MINK1: variants seen among roughly 807,000 people sequenced by gnomAD.
MINK1 encodes the protein misshapen-like kinase 1.
A neutral mutation model predicts 178.4 loss-of-function variants in MINK1; 46 were observed. The ratio of observed to expected loss-of-function variants is 0.26; its 90% CI spans 0.20 to 0.33. The LOEUF (loss-of-function observed/expected upper bound fraction) is 0.33. MINK1 is among the 10% of genes least tolerant of loss of function. MINK1 has a pLI of 1.00. For synonymous variants in MINK1, 797 were observed against 709.7 expected, an observed-to-expected ratio of 1.12 and a Z score of -1.96; for missense variants, 1,366 against 1,814.9, an observed-to-expected ratio of 0.75 and a Z score of 4.49.
intron 20 of MINK1, 56 bp downstream of exon 20, chr17:4,893,123 C>T (rs1969037216): frequency 1.3e-6 from 2 of 1,533,708 alleles, no homozygotes; most frequent in South Asian, 1.2e-5. Flanking sequence ...GGCTTAGCCT[C>T]AGGGTGCTGG....
In MINK1 at chr17:4,892,723, G is replaced by A. The variant is rs773979222; in HGVS notation, c.2266G>A (p.Gly756Arg). The A allele has an allele frequency of 7.4e-6, 12 of 1,611,918 alleles. No individual in the cohort carries two copies. Among genetic ancestry groups the A allele is most frequent in the South Asian group, 4.4e-5 (4 of 90,988 alleles). The change falls in exon 19 of 32, where the codon GGG becomes AGG. Residue 756 changes from glycine (G) to arginine (R), a missense_variant. Gly to Arg is a moderately radical substitution (Grantham distance 125). Around this residue, in one of 14 missense-constraint regions of MINK1, gnomAD observed 709 missense variants for 692.3 expected, o/e 1.02. Transcript: ENST00000355280. ...GGACAGCGTCCTTCCAGCCTCTCAC[G>A]GGCACCTCCCCCAGGCTGGCTCACT... ...RSDSVLPASH[G>R]HLPQAGSLER... is the part of the protein sequence containing the mutation.
At chr17:4,892,952 G>A (rs1238015145) in intron 19 of MINK1, 27 bp from the exon 20 acceptor site, 3 of 1,531,870 alleles carry the variant, frequency 2.0e-6, no homozygotes, top group Non-Finnish European at 1.8e-6. Context: ...TCAGGCATCA[G>A]TGACCTTCTT....
At position 4,886,660 on chromosome 17, in the gene MINK1, G is replaced by A. The variant is rs1968233225; in HGVS notation, c.949+34G>A. 2.0e-6 allele frequency: 3 copies of A among 1,535,124 alleles called. No individual in the cohort carries two copies. The highest frequency in any genetic ancestry group is 2.3e-5 in the East Asian group (1 of 43,768). On this transcript the variant is annotated intron_variant, in intron 10 of 31. Transcript: ENST00000355280. This position sits in a 1 kb window ranked among gnomAD's most constrained non-coding sequence, Gnocchi z 6.1. ...GCAGGCTGGAGGGGGCAGGTACTAG[G>A]GGACACTCCAGCCTGGCTCCTCTCT...
intron 1 of MINK1, chr17:4,875,270 A>G: frequency 2.0e-6 from 1 of 489,440 alleles, no homozygotes; most frequent in South Asian, 1.5e-5. Context: ...CACTGCAGTG[A>G]CAACACCTCT....
intron 1 of MINK1, among the ~76,000 whole-genome samples, chr17:4,864,908 A>C (rs1164609052): frequency 2.0e-5 from 3 of 152,166 alleles, no homozygotes; most frequent in Non-Finnish European, 2.9e-5. Context: ...TCTTCTTCAA[A>C]AGAACCTTTT....
rs1969153438 is a variant in MINK1 at position 4,893,988 on chromosome 17, C to G, written c.2565C>G (p.Arg855=). 1 of 1,571,544 alleles carries G rather than the reference C, an allele frequency of 6.4e-7. No individual in the cohort carries two copies. The highest frequency in any genetic ancestry group is 8.6e-7 in the Non-Finnish European group (1 of 1,159,712). ...AEGSRDTPGG[R]SDGDTDSVST... ...GGGGCCCCACCTTCCTCTCTCACAG[C>G]AGCGATGGGGATACAGACAGCGTCA... Residue 855 remains arginine (R), a splice_region_variant and synonymous_variant, in exon 22 of 32, where the codon CGC becomes CGG. Transcript: ENST00000355280.
chr17:4,834,666 G>C (rs1338120622), intron 1 of MINK1: 2 of 471,590 alleles, frequency 4.2e-6, no homozygotes, highest in Non-Finnish European at 8.5e-6. Context: ...GGGCAACTTA[G>C]TGATTTCAAG....
chr17:4,860,725 G>T (rs1465711150), intron 1 of MINK1: 1 of 519,924 alleles, frequency 1.9e-6, no homozygotes, highest in Non-Finnish European at 3.8e-6. Context: ...CAAGGCTGGT[G>T]TGTGCCTGGT....
At position 4,894,678 on chromosome 17, in the gene MINK1, G is replaced by A. The variant is rs1010466308; in HGVS notation, c.2917+45G>A. 7.0e-6 allele frequency: 10 copies of A among 1,437,022 alleles called. No homozygotes were observed. The African/African-American group carries it at 9.8e-5, about 14-fold the overall frequency. The allele number at this position is 1,437,022 out of a possible 1,614,324, so 89.0% of individuals were successfully genotyped here. ...CCTGCTGTGAGGCCAGGGTCCAGGG[G>A]CAGCCTGGAGGGGAGCACAGTGGTC... On this transcript the variant is annotated intron_variant, in intron 24 of 31. Coordinates refer to ENST00000355280, the MANE Select transcript of MINK1 (RefSeq NM_153827.5). The surrounding 1 kb of genome is among the most constrained non-coding windows in gnomAD (Gnocchi z 4.1).
Position 4,896,114 on chromosome 17 carries a change from C to T in MINK1, c.3465+11C>T. Reference sequence around the variant, plus strand: ...TTCATGGCCTTCAAGGTAATCCCAGCCTCGGTCCCTAACACCATCTGGAGT... The same window carrying T: ...TTCATGGCCTTCAAGGTAATCCCAGTCTCGGTCCCTAACACCATCTGGAGT... On this transcript the variant is annotated intron_variant, in intron 28 of 31. Coordinates refer to ENST00000355280, the MANE Select transcript of MINK1 (RefSeq NM_153827.5). This position sits in a 1 kb window ranked among gnomAD's most constrained non-coding sequence, Gnocchi z 4.6. 6.2e-7 allele frequency: 1 copy of T among 1,605,744 alleles called. No homozygotes were observed. Among genetic ancestry groups the T allele is most frequent in the South Asian group, 1.1e-5 (1 of 89,830 alleles).
In MINK1 at chr17:4,887,670, ACAGCAGCAGCAGCTGCAGCAG is replaced by A; in HGVS notation, c.1121_1141del (p.Gln374_Gln380del). 1.9e-6 allele frequency: 3 copies of A among 1,566,728 alleles called. No homozygotes were observed. The highest frequency in any genetic ancestry group is 2.6e-6 in the Non-Finnish European group (3 of 1,157,340). On this transcript the variant is annotated inframe_deletion, in exon 12 of 32. Coordinates refer to ENST00000355280, the MANE Select transcript of MINK1 (RefSeq NM_153827.5). This position sits in a 1 kb window ranked among gnomAD's most constrained non-coding sequence, Gnocchi z 7.6. ...ATAAGAGCAACTCAGAGGCTTTAAA[ACAGCAGCAGCAGCTGCAGCAG>A]CAGCAGCAGCGAGACCCCGAGGCAC...
In MINK1 at chr17:4,896,475, C is replaced by G. The variant is rs1969493163; in HGVS notation, c.3662C>G (p.Thr1221Ser). ...CATGCCATCATCTTCCTCCCCAACA[C>G]CGACGGCATGGAGATGCTGCTGTGC... ...TPHAIIFLPN[T>S]DGMEMLLCYE... Residue 1221 changes from threonine to serine, a missense_variant, in exon 30 of 32, where the codon ACC becomes AGC. By Grantham distance (58) the Thr-to-Ser change is moderately conservative. Transcript: ENST00000355280. This position sits in a 1 kb window ranked among gnomAD's most constrained non-coding sequence, Gnocchi z 4.6. The G allele has an allele frequency of 2.5e-6, 4 of 1,613,860 alleles. No individual in the cohort carries two copies. Among genetic ancestry groups the G allele is most frequent in the Non-Finnish European group, 3.4e-6 (4 of 1,179,872 alleles).
At chr17:4,878,164 A>C (rs1967362449) in intron 1 of MINK1, among the ~76,000 whole-genome samples, 153 bp from the exon 2 acceptor site, 1 of 152,150 alleles carries the variant, frequency 6.6e-6, no homozygotes, top group Non-Finnish European at 1.5e-5. Context: ...AATCCAGGAA[A>C]AGGGCAGCCA....
rs1969680654 is a variant in MINK1 at position 4,897,538 on chromosome 17, C to G, written c.*251C>G. On this transcript the variant is annotated 3_prime_UTR_variant, in exon 32 of 32. Transcript: ENST00000355280. ...TGGGGAGGGACACAGCTTCCCCTTC[C>G]CAGGAATTGAGTGGGCCTAGCCCCT... 5 of 493,756 alleles carry G rather than the reference C, an allele frequency of 1.0e-5. No individual in the cohort carries two copies. In the South Asian group the frequency reaches 1.2e-4, roughly 12 times the overall value. The allele number at this position is 493,756 out of a possible 1,614,324, so 30.6% of individuals were successfully genotyped here.
chr17:4,841,757 A>G (rs1184285885), intron 1 of MINK1, among the ~76,000 whole-genome samples: 3 of 152,126 alleles, frequency 2.0e-5, no homozygotes, highest in Non-Finnish European at 4.4e-5. Flanking sequence ...GGATCTAAGT[A>G]TGTCTGTGAC....
chr17:4,839,224 C>T (rs185786071), intron 1 of MINK1, among the ~76,000 whole-genome samples: 33 of 152,146 alleles, frequency 2.2e-4, no homozygotes, highest in South Asian at 6.2e-4. Flanking sequence ...ATTACAGGCG[C>T]GAGCCACCGT....
At chr17:4,884,834 C>G in intron 5 of MINK1, 78 bp from the exon 6 acceptor site, 2 of 1,252,872 alleles carry the variant, frequency 1.6e-6, no homozygotes, top group Non-Finnish European at 2.3e-6. Flanking sequence ...TGCTCCTTGT[C>G]CCCTCAACTC....
rs761881604 is a variant in MINK1 at position 4,896,611 on chromosome 17, A to G, written c.3775+23A>G. The G allele has an allele frequency of 6.2e-7, 1 of 1,613,160 alleles. No individual in the cohort carries two copies. The highest frequency in any genetic ancestry group is 8.5e-7 in the Non-Finnish European group (1 of 1,179,506). ...TGGGTGAGTGAGCTGCCGCCCTCCC[A>G]GCCACATGCCCCGAGGTGGCCCCGG... is the stretch of plus-strand genomic sequence containing the variant. On this transcript the variant is annotated intron_variant, in intron 30 of 31. Coordinates refer to ENST00000355280, the MANE Select transcript of MINK1 (RefSeq NM_153827.5). This position sits in a 1 kb window ranked among gnomAD's most constrained non-coding sequence, Gnocchi z 4.6.
rs763423481 is a variant in MINK1, at chr17:4,885,602, T to A, written c.628T>A (p.Tyr210Asn). 1 of 1,613,940 alleles carries A rather than the reference T, an allele frequency of 6.2e-7. No homozygotes were observed. Among genetic ancestry groups the A allele is most frequent in the South Asian group, 1.1e-5 (1 of 91,080 alleles). Reference protein sequence around the residue: ...IACDENPDATYDYRSDIWSLG... With the variant: ...IACDENPDATNDYRSDIWSLG... ...CTGTGATGAGAACCCTGATGCCACC[T>A]ATGATTACAGGGTATGGAGTGGAAA... The change falls in exon 7 of 32, where the codon TAT becomes AAT. Residue 210 changes from tyrosine to asparagine, a missense_variant. By Grantham distance (143) the Tyr-to-Asn change is moderately radical. Transcript: ENST00000355280. This position sits in a 1 kb window ranked among gnomAD's most constrained non-coding sequence, Gnocchi z 5.0.
Sources: allele counts gnomAD v4.1 joint callset (sites outside exome capture counted in the v4.1 genomes callset), GRCh38; gene constraint gnomAD v4.1.1; regional missense constraint gnomAD v4.1.1; non-coding constraint Gnocchi (gnomAD v3.1); transcripts MANE v1.5; gene names NCBI Gene and HGNC (gene_info 2026-07-23, HGNC 2026-07-21).